Variants in SCAPER observed in about 807,000 individuals in gnomAD.
SCAPER encodes S phase cyclin A-associated protein in the endoplasmic reticulum.
In SCAPER, 98 loss-of-function variants were observed where a neutral mutation model predicts 182.2. The ratio of observed to expected loss-of-function variants is 0.54; its 90% CI spans 0.46 to 0.64. The LOEUF (loss-of-function observed/expected upper bound fraction) is 0.64, where lower values mean the gene tolerates loss of function less well. Ranked by LOEUF, SCAPER falls within the 30% of genes least tolerant of loss-of-function variation. SCAPER has a pLI of 0.00. For synonymous variants in SCAPER, 605 were observed against 564.6 expected, an observed-to-expected ratio of 1.07 and a Z score of -1.01; for missense variants, 1,432 against 1,690.0, an observed-to-expected ratio of 0.85 and a Z score of 2.68.
chr15:76,819,167 A>C (rs2151634268), intron 5 of SCAPER, among the ~76,000 whole-genome samples: 1 of 152,368 alleles, frequency 6.6e-6, no homozygotes, highest in Non-Finnish European at 1.5e-5. Context: ...GGGGCAGGGC[A>C]CAGACAAACA....
intron 25 of SCAPER, among the ~76,000 whole-genome samples, chr15:76,440,519 A>T (rs1484155771): frequency 1.3e-5 from 2 of 152,246 alleles, no homozygotes; most frequent in African/African-American, 4.8e-5. Context: ...AGATAGGTTT[A>T]CATATTTTCA....
chr15:76,835,497 C>G (rs1221925086), intron 5 of SCAPER, among the ~76,000 whole-genome samples: 2 of 152,150 alleles, frequency 1.3e-5, no homozygotes, highest in Non-Finnish European at 2.9e-5. Context: ...TTCAACATCA[C>G]TTCATGTTAA....
intron 23 of SCAPER, among the ~76,000 whole-genome samples, chr15:76,523,892 T>C (rs1891158347): frequency 6.6e-6 from 1 of 152,104 alleles, no homozygotes; most frequent in Admixed American, 6.5e-5. Context: ...CTTTGGTGAC[T>C]TCACTTAACC....
intron 8 of SCAPER, among the ~76,000 whole-genome samples, chr15:76,780,076 C>G (rs923338257): frequency 6.6e-6 from 1 of 152,218 alleles, no homozygotes; most frequent in African/African-American, 2.4e-5. Flanking sequence ...GGCTGGGTGC[C>G]GCCTCACCCA....
At chr15:76,791,540 C>A (rs1258356180) in intron 8 of SCAPER, among the ~76,000 whole-genome samples, 1 of 151,918 alleles carries the variant, frequency 6.6e-6, no homozygotes, top group Non-Finnish European at 1.5e-5. Flanking sequence ...TTCAGAGAAT[C>A]TAAAGCAACT....
chr15:76,795,161 G>T, intron 8 of SCAPER, 119 bp downstream of exon 8: 1 of 919,894 alleles, frequency 1.1e-6, no homozygotes. Flanking sequence ...TTTTAATTAT[G>T]GTAAATTAAT....
intron 23 of SCAPER, among the ~76,000 whole-genome samples, chr15:76,530,175 T>C (rs2043532590): frequency 6.6e-6 from 1 of 152,210 alleles, no homozygotes; most frequent in Admixed American, 6.5e-5. Flanking sequence ...AATGAGAACA[T>C]ACTGCATAAT....
chr15:76,851,213 A>C (rs1274735002), intron 4 of SCAPER, among the ~76,000 whole-genome samples: 1 of 152,128 alleles, frequency 6.6e-6, no homozygotes, highest in Non-Finnish European at 1.5e-5. Context: ...TCTGTGAATC[A>C]CTGGCATCCC....
intron 4 of SCAPER, among the ~76,000 whole-genome samples, chr15:76,849,101 G>A (rs1325248610): frequency 3.3e-5 from 5 of 152,134 alleles, no homozygotes; most frequent in East Asian, 1.9e-4. Flanking sequence ...CATATGGAGA[G>A]GAGACCAACC....
intron 1 of SCAPER, among the ~76,000 whole-genome samples, chr15:76,895,202 T>C (rs924953394): frequency 9.2e-5 from 14 of 152,196 alleles, no homozygotes; most frequent in African/African-American, 3.4e-4. Context: ...AGGAATTATT[T>C]GTGGGTTGCA....
chr15:76,584,778 C>T (rs2048512668), intron 22 of SCAPER, among the ~76,000 whole-genome samples: 1 of 152,136 alleles, frequency 6.6e-6, no homozygotes, highest in Non-Finnish European at 1.5e-5. Flanking sequence ...TCTTGAACTC[C>T]TGGGCTCAAG....
chr15:76,637,928 T>TTCTTTGGAGAAATGTCTATTCCC (rs1405029244), intron 21 of SCAPER, among the ~76,000 whole-genome samples: 12 of 152,058 alleles, frequency 7.9e-5, no homozygotes, highest in African/African-American at 2.4e-4. Context: ...TTTGTATGTC[T>TTCTTTGGAGAAATGTCTATTCCC]TCTTTGGAGA....
intron 21 of SCAPER, among the ~76,000 whole-genome samples, chr15:76,637,742 ATGTGTGTGTGTGTGTG>A (rs55726181): frequency 0.01 from 1,087 of 105,812 alleles, 44 homozygotes; most frequent in African/African-American, 0.022. Context: ...ATATATATAT[ATGTGTGTGTGTGTGTG>A]TGTGTGTGTG....
At chr15:76,578,401 GAC>G (rs1470204388) in intron 22 of SCAPER, among the ~76,000 whole-genome samples, 5 of 152,218 alleles carry the variant, frequency 3.3e-5, no homozygotes, top group Non-Finnish European at 4.4e-5. Flanking sequence ...CCTTGGGCGA[GAC>G]ACAGTAATCT....
intron 21 of SCAPER, among the ~76,000 whole-genome samples, chr15:76,625,345 T>A (rs769120016): frequency 3.3e-5 from 5 of 152,310 alleles, no homozygotes; most frequent in Non-Finnish European, 7.4e-5. Flanking sequence ...CTGGGAAGCA[T>A]GCACATTGCT....
chr15:76,390,807 T>C (rs972739896), intron 27 of SCAPER, among the ~76,000 whole-genome samples: 5 of 69,504 alleles, frequency 7.2e-5, no homozygotes, highest in African/African-American at 2.3e-4. Flanking sequence ...CTATGTTGTG[T>C]TGCCAAGTAA....
intron 29 of SCAPER, among the ~76,000 whole-genome samples, chr15:76,367,789 A>G (rs551837182): frequency 6.6e-6 from 1 of 152,296 alleles, no homozygotes; most frequent in East Asian, 1.9e-4. Flanking sequence ...TTTTAATGCA[A>G]TTGGCCAAAA....
At chr15:76,556,507 T>C (rs1467552858) in intron 23 of SCAPER, among the ~76,000 whole-genome samples, 2 of 152,032 alleles carry the variant, frequency 1.3e-5, no homozygotes, top group Non-Finnish European at 2.9e-5. Flanking sequence ...AAAACAGAGA[T>C]GATCCAAATA....
At chr15:76,893,397 C>A (rs960590956) in intron 1 of SCAPER, among the ~76,000 whole-genome samples, 1 of 151,840 alleles carries the variant, frequency 6.6e-6, no homozygotes, top group Non-Finnish European at 1.5e-5. Context: ...TAGATATGTA[C>A]GCACCCAACA....
Sources: allele counts gnomAD v4.1 joint callset (sites outside exome capture counted in the v4.1 genomes callset), GRCh38; gene constraint gnomAD v4.1.1; transcripts MANE v1.5; gene names NCBI Gene and HGNC (gene_info 2026-07-23, HGNC 2026-07-21).